OLFM3: variants seen among roughly 807,000 people sequenced by gnomAD.
OLFM3 encodes the protein noelin-3.
Under a neutral mutation model 48.6 loss-of-function variants are expected in OLFM3, and 20 were observed. The observed-to-expected ratio is 0.41, with a 90% CI of 0.29 to 0.60. The LOEUF (loss-of-function observed/expected upper bound fraction) is 0.60, where lower values mean the gene tolerates loss of function less well. Among genes scored for constraint, OLFM3 ranks in the 20% least tolerant of loss-of-function variants. The pLI, the probability that OLFM3 is intolerant of heterozygous loss-of-function variation, is 0.28. For missense variants in OLFM3, 437 were observed against 544.3 expected (o/e 0.80, Z 1.96); for synonymous variants, 222 against 198.1 (o/e 1.12, Z -1.01).
At chr1:101,994,386 T>C (rs1466962145) in intron 1 of OLFM3, among the ~76,000 whole-genome samples, 1 of 150,968 alleles carries the variant, frequency 6.6e-6, no homozygotes, top group Admixed American at 6.6e-5. Context: ...CTGTATTTTT[T>C]GTAGTACTAT....
chr1:101,910,835 A>G (rs1658736094), intron 1 of OLFM3, among the ~76,000 whole-genome samples: 1 of 152,224 alleles, frequency 6.6e-6, no homozygotes, highest in African/African-American at 2.4e-5. Context: ...GATAGAAATC[A>G]CTACTATTTC....
intron 1 of OLFM3, among the ~76,000 whole-genome samples, chr1:101,887,632 C>A (rs562907269): frequency 5.1e-4 from 78 of 151,882 alleles, no homozygotes; most frequent in African/African-American, 1.9e-3. Context: ...TACTTTGTGT[C>A]CAAGTAGTAA....
intron 4 of OLFM3, 55 bp from the exon 5 acceptor site, chr1:101,806,237 C>T (rs375617986): frequency 5.7e-5 from 74 of 1,302,320 alleles, no homozygotes; most frequent in Middle Eastern, 3.7e-4. Context: ...GATTCCAATA[C>T]GCATACTCAC....
intron 1 of OLFM3, among the ~76,000 whole-genome samples, chr1:101,873,778 T>C (rs1034727481): frequency 6.6e-6 from 1 of 151,884 alleles, no homozygotes; most frequent in African/African-American, 2.4e-5. Context: ...TTTTCTCTAG[T>C]GTAGAATGAA....
intron 4 of OLFM3, among the ~76,000 whole-genome samples, chr1:101,808,429 T>TGA (rs1287108730): frequency 6.6e-6 from 1 of 151,694 alleles, no homozygotes; most frequent in Non-Finnish European, 1.5e-5. Context: ...AGGAGGGAGA[T>TGA]GATCTGCCTT....
chr1:101,977,211 C>A (rs983648817), intron 1 of OLFM3, among the ~76,000 whole-genome samples: 6 of 152,266 alleles, frequency 3.9e-5, no homozygotes, highest in African/African-American at 9.6e-5. Flanking sequence ...TCAACACTTT[C>A]TCATTCAAAA....
chr1:101,810,634 G>T (rs1654003874), intron 4 of OLFM3, among the ~76,000 whole-genome samples: 1 of 151,874 alleles, frequency 6.6e-6, no homozygotes, highest in Non-Finnish European at 1.5e-5. Flanking sequence ...CCAGGAAGTA[G>T]ATGAAAATGG....
chr1:101,903,681 G>C (rs1412023979), intron 1 of OLFM3, among the ~76,000 whole-genome samples: 3 of 151,990 alleles, frequency 2.0e-5, no homozygotes, highest in Non-Finnish European at 4.4e-5. Context: ...TATGTTTCCT[G>C]CATGTCCTAT....
At position 101,996,861 on chromosome 1, in the gene OLFM3, T is replaced by G; in HGVS notation, c.-45A>C. 1 of 1,595,730 alleles carries G rather than the reference T, an allele frequency of 6.3e-7. No individual in the cohort carries two copies. Among genetic ancestry groups the G allele is most frequent in the South Asian group, 1.1e-5 (1 of 90,506 alleles). ...CCTCTTTACTCTCTTTTATGTAGGC[T>G]CTCCACTCACTGCAGAGACCTTTCC... On this transcript the variant is annotated 5_prime_UTR_variant, in exon 1 of 6. Coordinates refer to ENST00000370103, the MANE Select transcript of OLFM3 (RefSeq NM_058170.4).
At chr1:101,824,567 G>T (rs1274750083) in intron 4 of OLFM3, among the ~76,000 whole-genome samples, 1 of 151,976 alleles carries the variant, frequency 6.6e-6, no homozygotes, top group Non-Finnish European at 1.5e-5. Flanking sequence ...ATTTCCATTT[G>T]CTTTAATAAT....
At chr1:101,913,444 A>T (rs1270891585) in intron 1 of OLFM3, among the ~76,000 whole-genome samples, 1 of 152,198 alleles carries the variant, frequency 6.6e-6, no homozygotes, top group Non-Finnish European at 1.5e-5. Flanking sequence ...ACTGAAATAA[A>T]AGACATGAAC....
intron 1 of OLFM3, among the ~76,000 whole-genome samples, chr1:101,851,759 T>C (rs963310352): frequency 2.6e-5 from 4 of 152,112 alleles, no homozygotes; most frequent in African/African-American, 9.7e-5. Context: ...GCCCACATAG[T>C]GTACCTTCCT....
At chr1:101,867,161 T>A (rs983141771) in intron 1 of OLFM3, among the ~76,000 whole-genome samples, 2 of 152,200 alleles carry the variant, frequency 1.3e-5, no homozygotes, top group African/African-American at 4.8e-5. Context: ...GAGTAATTGG[T>A]GTGGCCAAGG....
At chr1:101,831,463 T>C (rs1186173863) in intron 2 of OLFM3, among the ~76,000 whole-genome samples, 1 of 152,114 alleles carries the variant, frequency 6.6e-6, no homozygotes, top group East Asian at 1.9e-4. Context: ...AATGGCACCA[T>C]CCCAGGTTCG....
chr1:101,811,640 C>T (rs1007230889), intron 4 of OLFM3, among the ~76,000 whole-genome samples: 5 of 152,172 alleles, frequency 3.3e-5, no homozygotes, highest in African/African-American at 1.2e-4. Context: ...CAATGAGATA[C>T]TATCTCACAG....
chr1:101,899,495 C>T (rs568787513), intron 1 of OLFM3, among the ~76,000 whole-genome samples: 1 of 152,100 alleles, frequency 6.6e-6, no homozygotes, highest in Non-Finnish European at 1.5e-5. Flanking sequence ...ACTAGGTGGA[C>T]CCCCACACTC....
At chr1:101,903,037 T>C (rs1658439750) in intron 1 of OLFM3, among the ~76,000 whole-genome samples, 1 of 152,044 alleles carries the variant, frequency 6.6e-6, no homozygotes, top group Non-Finnish European at 1.5e-5. Context: ...CTTTCTAATG[T>C]GTTGTATTTA....
At chr1:101,831,550 T>A (rs1655151062) in intron 2 of OLFM3, among the ~76,000 whole-genome samples, 1 of 152,142 alleles carries the variant, frequency 6.6e-6, no homozygotes, top group African/African-American at 2.4e-5. Flanking sequence ...AAATGACTGG[T>A]CTAATTTTTG....
intron 1 of OLFM3, among the ~76,000 whole-genome samples, chr1:101,868,062 C>T (rs1022117279): frequency 6.6e-6 from 1 of 152,250 alleles, no homozygotes; most frequent in East Asian, 1.9e-4. Flanking sequence ...CCTCCCCAGC[C>T]CTGCAGAACT....
Sources: gnomAD v4.1 joint callset for allele counts (sites outside exome capture counted in the v4.1 genomes callset) on GRCh38, gnomAD v4.1.1 for gene constraint, MANE v1.5 for transcripts, NCBI Gene and HGNC (gene_info 2026-07-23, HGNC 2026-07-21) for gene names.